The following NAPEPLD variants were observed in gnomAD, a reference collection of about 807,000 sequenced individuals.
NAPEPLD encodes the protein N-acyl phosphatidylethanolamine phospholipase D.
A neutral mutation model predicts 38.1 loss-of-function variants in NAPEPLD; 23 were observed. The ratio of observed to expected loss-of-function variants is 0.60; its 90% CI spans 0.43 to 0.86. NAPEPLD has a LOEUF of 0.86. NAPEPLD is among the 40% of genes least tolerant of loss of function. The pLI is 0.00. For missense variants in NAPEPLD, 411 were observed against 476.8 expected (o/e 0.86, Z 1.28); for synonymous variants, 147 against 162.0 (o/e 0.91, Z 0.71).
intron 1 of NAPEPLD, chr7:103,129,274 G>GTTTGT (rs1563362732): frequency 1.0e-6 from 1 of 975,968 alleles, no homozygotes; most frequent in Non-Finnish European, 1.2e-6. Context: ...AAAGAAGGAT[G>GTTTGT]TTTGCTTTAC....
chr7:103,146,239 G>A (rs1812530219), intron 1 of NAPEPLD, among the ~76,000 whole-genome samples: 1 of 152,118 alleles, frequency 6.6e-6, no homozygotes. Context: ...CAACTTCTCA[G>A]GAGGCTGAGG....
intron 1 of NAPEPLD, chr7:103,147,915 C>T: frequency 3.3e-6 from 3 of 896,984 alleles, no homozygotes; most frequent in Non-Finnish European, 4.0e-6. Flanking sequence ...ACAAATTTAA[C>T]CCCTCAATCT....
intron 4 of NAPEPLD, among the ~76,000 whole-genome samples, chr7:103,114,707 G>GAT (rs1399180166): frequency 6.6e-6 from 1 of 152,156 alleles, no homozygotes; most frequent in African/African-American, 2.4e-5. Flanking sequence ...TCACATACAT[G>GAT]ACTTCTGTCT....
rs796498524 is a variant in NAPEPLD at position 103,141,698 on chromosome 7, C to T, written c.-17+7113G>A. 39 of 911,082 alleles carry T rather than the reference C, an allele frequency of 4.3e-5. No individual in the cohort carries two copies. In the Admixed American group the frequency reaches 5.6e-4, roughly 13 times the overall value. 56.4% of individuals were successfully genotyped at this position (911,082 alleles called of 1,614,324 possible). A position where few individuals can be genotyped will look rare whatever the true frequency, so the allele number is the denominator to read the frequency against. On this transcript the variant is annotated intron_variant, in intron 1 of 4. Transcript: ENST00000465647. ...CATTCGGGCATTGGCTGTACCCTTC[C>T]GCTTACCTATGCCCATATGCCTGCC... is the stretch of plus-strand genomic sequence containing the variant.
chr7:103,112,195 C>T (rs949032647), intron 4 of NAPEPLD, among the ~76,000 whole-genome samples: 9 of 152,222 alleles, frequency 5.9e-5, no homozygotes, highest in Admixed American at 4.6e-4. Context: ...GACACTGTGG[C>T]GATTCCTCAA....
intron 4 of NAPEPLD, among the ~76,000 whole-genome samples, chr7:103,104,639 CTG>C (rs1563342779): frequency 1.3e-5 from 2 of 152,160 alleles, no homozygotes; most frequent in African/African-American, 4.8e-5. Context: ...TTGGTTTTAA[CTG>C]TATGCTGGTT....
At chr7:103,143,958 C>G (rs1323390722) in intron 1 of NAPEPLD, among the ~76,000 whole-genome samples, 1 of 152,216 alleles carries the variant, frequency 6.6e-6, no homozygotes, top group African/African-American at 2.4e-5. Context: ...GCTGGGATTA[C>G]AGACAGGAGC....
chr7:103,138,617 C>T (rs1173588790), intron 1 of NAPEPLD, among the ~76,000 whole-genome samples: 1 of 152,060 alleles, frequency 6.6e-6, no homozygotes, highest in Non-Finnish European at 1.5e-5. Flanking sequence ...CGCAGGCACG[C>T]ACCACCACAC....
At chr7:103,143,338 C>T (rs1811874229) in intron 1 of NAPEPLD, among the ~76,000 whole-genome samples, 2 of 152,118 alleles carry the variant, frequency 1.3e-5, no homozygotes, top group South Asian at 4.2e-4. Flanking sequence ...CGAAAAGATG[C>T]CTGCCATAAA....
In NAPEPLD at chr7:103,113,433, C is replaced by T. The variant is rs573346254; in HGVS notation, c.1056+1627G>A. Among the ~76,000 whole-genome samples the T allele has an allele frequency of 1.4e-4, 21 of 152,208 alleles. No individual in the cohort carries two copies. The South Asian group carries it at 4.4e-3, about 32-fold the overall frequency. On this transcript the variant is annotated intron_variant, in intron 4 of 4. Coordinates refer to ENST00000465647, the MANE Select transcript of NAPEPLD (RefSeq NM_001122838.3). ...CAGTGTATTAGGTAATTTTGGAACA[C>T]ACTGCATCTTTGGGAGAGGGCAGGC...
At chr7:103,131,887 G>A (rs527578337) in intron 1 of NAPEPLD, among the ~76,000 whole-genome samples, 5 of 152,214 alleles carry the variant, frequency 3.3e-5, no homozygotes, top group African/African-American at 9.6e-5. Context: ...AGGCCGAGGC[G>A]AGTGGATCAC....
chr7:103,135,686 G>C (rs932758086), intron 1 of NAPEPLD, among the ~76,000 whole-genome samples: 1 of 151,890 alleles, frequency 6.6e-6, no homozygotes, highest in Non-Finnish European at 1.5e-5. Context: ...AATAATTATT[G>C]CATCAAAAAT....
intron 3 of NAPEPLD, 82 bp from the exon 4 acceptor site, chr7:103,115,256 T>C: frequency 1.0e-6 from 1 of 995,342 alleles, no homozygotes; most frequent in Admixed American, 2.1e-5. Flanking sequence ...AACCAAACTT[T>C]AAGATTCTGC....
At chr7:103,142,337 G>C (rs564171704) in intron 1 of NAPEPLD, among the ~76,000 whole-genome samples, 1 of 151,808 alleles carries the variant, frequency 6.6e-6, no homozygotes, top group African/African-American at 2.4e-5. Flanking sequence ...CAGGCATGGT[G>C]ACTCATGCCT....
At chr7:103,116,056 C>G (rs916737884) in intron 3 of NAPEPLD, among the ~76,000 whole-genome samples, 3 of 31,494 alleles carry the variant, frequency 9.5e-5, no homozygotes, top group Admixed American at 1.3e-3. Flanking sequence ...CCAGTTTTTT[C>G]TTTTTTTCTT....
chr7:103,131,403 A>C (rs1012692155), intron 1 of NAPEPLD, among the ~76,000 whole-genome samples: 6 of 152,132 alleles, frequency 3.9e-5, no homozygotes, highest in Middle Eastern at 3.2e-3. Flanking sequence ...CAACGCCTAT[A>C]ATTCCAGCAC....
In NAPEPLD at chr7:103,128,693, T is replaced by C. The variant is rs759829176; in HGVS notation, c.84A>G (p.Ala28=). The C allele has an allele frequency of 3.1e-6, 5 of 1,614,044 alleles. No individual in the cohort carries two copies. In the Admixed American group the frequency reaches 5.0e-5, roughly 16 times the overall value. ...AAGAATCACTTGCTCCGGAATTCCG[T>C]GCTGAATTTTGACGTTTTCTTACTG... is the stretch of plus-strand genomic sequence containing the variant. ...KEAVRKRQNS[A]RNSGASDSSR... is the part of the protein sequence containing the mutation. The change falls in exon 2 of 5, where the codon GCA becomes GCG. Residue 28 remains alanine (A), a synonymous_variant. Coordinates refer to ENST00000465647, the MANE Select transcript of NAPEPLD (RefSeq NM_001122838.3).
chr7:103,136,433 A>G (rs1038613575), intron 1 of NAPEPLD, among the ~76,000 whole-genome samples: 5 of 151,326 alleles, frequency 3.3e-5, no homozygotes, highest in Admixed American at 1.3e-4. Flanking sequence ...AAATACAAAA[A>G]GAAATTATCT....
intron 1 of NAPEPLD, among the ~76,000 whole-genome samples, chr7:103,146,296 G>C (rs1812546439): frequency 6.6e-6 from 1 of 151,012 alleles, no homozygotes; most frequent in South Asian, 2.1e-4. Context: ...AGTCAGCCGA[G>C]ATTGCCCCAC....
Sources: gnomAD v4.1 joint callset for allele counts (sites outside exome capture counted in the v4.1 genomes callset) on GRCh38, gnomAD v4.1.1 for gene constraint, MANE v1.5 for transcripts, NCBI Gene and HGNC (gene_info 2026-07-23, HGNC 2026-07-21) for gene names.